The following CPNE8 variants were observed in gnomAD, a reference collection of about 807,000 sequenced individuals.
The protein encoded by CPNE8 is copine 8, also known as copine-8.
A neutral mutation model predicts 81.5 loss-of-function variants in CPNE8; 45 were observed. The ratio of observed to expected loss-of-function variants is 0.55; its 90% CI spans 0.44 to 0.71. The LOEUF (loss-of-function observed/expected upper bound fraction) is 0.71, where lower values mean the gene tolerates loss of function less well. Among genes scored for constraint, CPNE8 ranks in the 30% least tolerant of loss-of-function variants. The probability of loss-of-function intolerance (pLI) is 0.00; values close to 1 mark genes in which losing one functional copy is unlikely to be tolerated. For missense variants in CPNE8, 594 were observed against 672.1 expected (o/e 0.88, Z 1.28); for synonymous variants, 252 against 226.3 (o/e 1.11, Z -1.02).
rs758996393 is a variant in CPNE8, at chr12:38,905,469, C to G, written c.66G>C (p.Pro22=). 6.4e-7 allele frequency: 1 copy of G among 1,573,972 alleles called. No homozygotes were observed. The highest frequency in any genetic ancestry group is 1.2e-5 in the South Asian group (1 of 85,826). The change falls in exon 1 of 20, where the codon CCG becomes CCC. Residue 22 remains proline (P), a synonymous_variant. Transcript: ENST00000331366. ...GDLNQLSAAI[P]ATRVEVSVSC... is the part of the protein sequence containing the mutation. Reference sequence around the variant, plus strand: ...ACACGGACACCTCCACCCGCGTGGCCGGGATGGCAGCGCTCAGCTGGTTCA... The same window carrying G: ...ACACGGACACCTCCACCCGCGTGGCGGGGATGGCAGCGCTCAGCTGGTTCA...
chr12:38,753,877 A>G (rs1941403708), intron 10 of CPNE8, among the ~76,000 whole-genome samples: 1 of 152,204 alleles, frequency 6.6e-6, no homozygotes, highest in African/African-American at 2.4e-5. Context: ...ATAAGAAAAA[A>G]TAGAGCTATA....
chr12:38,759,841 C>CA (rs2136845946), intron 10 of CPNE8, among the ~76,000 whole-genome samples: 1 of 152,302 alleles, frequency 6.6e-6, no homozygotes, highest in Non-Finnish European at 1.5e-5. Flanking sequence ...TGTGGCTCTG[C>CA]AACTGAGCAA....
intron 6 of CPNE8, among the ~76,000 whole-genome samples, chr12:38,785,572 A>T (rs1279716700): frequency 6.6e-6 from 1 of 152,296 alleles, no homozygotes; most frequent in Non-Finnish European, 1.5e-5. Flanking sequence ...TATTCTCTCC[A>T]TGTAAAATAT....
intron 19 of CPNE8, among the ~76,000 whole-genome samples, chr12:38,665,974 T>C (rs1179120277): frequency 1.3e-5 from 2 of 152,180 alleles, no homozygotes; most frequent in African/African-American, 4.8e-5. Flanking sequence ...ACTGTACCAA[T>C]GTACTGTACT....
intron 5 of CPNE8, among the ~76,000 whole-genome samples, chr12:38,835,889 G>T (rs1943371187): frequency 6.6e-6 from 1 of 151,994 alleles, no homozygotes; most frequent in South Asian, 2.1e-4. Flanking sequence ...AAGTTTAGTG[G>T]TGCCTTCCGC....
At chr12:38,857,482 A>G (rs922245281) in intron 3 of CPNE8, among the ~76,000 whole-genome samples, 1 of 151,610 alleles carries the variant, frequency 6.6e-6, no homozygotes. Flanking sequence ...TCTTTACTTT[A>G]TCAATGTCGA....
chr12:38,873,534 C>A lies in CPNE8; in HGVS notation c.140-484G>T, dbSNP rs140757695. 2.6e-5 allele frequency among the ~76,000 whole-genome samples: 4 copies of A among 152,162 alleles called. No homozygotes were observed. In the East Asian group the frequency reaches 7.7e-4, roughly 29 times the overall value. ...AATCCTGTCAACCAAGAAAGGAATT[C>A]CCAAAAGGGAGATTAAGAGTTTTGG... is the stretch of plus-strand genomic sequence containing the variant. On this transcript the variant is annotated intron_variant, in intron 2 of 19. Transcript: ENST00000331366.
intron 8 of CPNE8, among the ~76,000 whole-genome samples, chr12:38,765,412 CTAAA>C (rs1199195719): frequency 2.0e-5 from 3 of 152,158 alleles, no homozygotes; most frequent in Non-Finnish European, 4.4e-5. Context: ...TATCACGCTA[CTAAA>C]TAAATGTCAA....
rs145877609 is a variant in CPNE8, at chr12:38,816,259, T to C, written c.407+13120A>G. 1.3e-3 allele frequency among the ~76,000 whole-genome samples: 203 copies of C among 152,292 alleles called. 5 individuals carry two copies. Among genetic ancestry groups the C allele is most frequent in the Admixed American group, 0.012 (187 of 15,300 alleles). On this transcript the variant is annotated intron_variant, in intron 6 of 19. Transcript: ENST00000331366. ...AAACATATAAATGTGACTATTATCC[T>C]GGAAAATTCAGTGCAATAAACATTT...
intron 14 of CPNE8, among the ~76,000 whole-genome samples, chr12:38,699,454 ACT>A (rs1223296342): frequency 2.6e-5 from 4 of 152,060 alleles, no homozygotes; most frequent in African/African-American, 9.7e-5. Flanking sequence ...ATAACTGATA[ACT>A]CTGTTCTCTA....
At chr12:38,773,224 T>G (rs961009073) in intron 7 of CPNE8, among the ~76,000 whole-genome samples, 3 of 152,116 alleles carry the variant, frequency 2.0e-5, no homozygotes, top group Admixed American at 1.3e-4. Context: ...GAATAAGTCA[T>G]AGAGATCTAC....
intron 1 of CPNE8, among the ~76,000 whole-genome samples, chr12:38,881,979 A>G (rs148034966): frequency 2.6e-5 from 4 of 152,312 alleles, no homozygotes; most frequent in Non-Finnish European, 5.9e-5. Context: ...AACTAAATTC[A>G]TTACCTTTTC....
intron 16 of CPNE8, among the ~76,000 whole-genome samples, chr12:38,684,023 AC>A: frequency 1.3e-5 from 2 of 152,172 alleles, no homozygotes; most frequent in South Asian, 2.1e-4. Flanking sequence ...GCATTGATGA[AC>A]ACATTTCTAA....
intron 11 of CPNE8, chr12:38,726,395 G>C (rs1488834227): frequency 2.0e-5 from 3 of 152,042 alleles, no homozygotes; most frequent in Non-Finnish European, 4.4e-5. Context: ...ATTTCAGAAA[G>C]CCCTAATTGA....
chr12:38,857,027 T>C (rs1943751178), intron 3 of CPNE8, among the ~76,000 whole-genome samples: 2 of 152,102 alleles, frequency 1.3e-5, no homozygotes, highest in Admixed American at 6.5e-5. Flanking sequence ...TTGAAATAAA[T>C]TATGATAATA....
chr12:38,793,329 T>TAC (rs55794135), intron 6 of CPNE8, among the ~76,000 whole-genome samples: 8,434 of 148,950 alleles, frequency 0.057, 641 homozygotes, highest in African/African-American at 0.18. Flanking sequence ...TTCTAAAAAT[T>TAC]ACACACACAC....
chr12:38,776,776 G>A (rs1464391494), intron 6 of CPNE8, among the ~76,000 whole-genome samples: 1 of 151,860 alleles, frequency 6.6e-6, no homozygotes, highest in Non-Finnish European at 1.5e-5. Context: ...TACATTGGTG[G>A]CCCCATAACA....
chr12:38,821,695 T>A (rs1013349608), intron 6 of CPNE8, among the ~76,000 whole-genome samples: 1 of 152,216 alleles, frequency 6.6e-6, no homozygotes, highest in East Asian at 1.9e-4. Context: ...GAGTTCTTCA[T>A]CTGTATGACT....
intron 3 of CPNE8, among the ~76,000 whole-genome samples, chr12:38,849,911 T>C (rs917255819): frequency 5.3e-5 from 8 of 152,192 alleles, no homozygotes; most frequent in Non-Finnish European, 8.8e-5. Context: ...AGCCCCATTT[T>C]AGAGATAAGA....
Sources: allele counts gnomAD v4.1 joint callset (sites outside exome capture counted in the v4.1 genomes callset), GRCh38; gene constraint gnomAD v4.1.1; transcripts MANE v1.5; gene names NCBI Gene and HGNC (gene_info 2026-07-23, HGNC 2026-07-21).